GALNT1: variants seen among roughly 807,000 people sequenced by gnomAD.
GALNT1 encodes GalNAc transferase 1.
Under a neutral mutation model 65.7 loss-of-function variants are expected in GALNT1, and 17 were observed. The observed-to-expected ratio is 0.26, with a 90% confidence interval of 0.18 to 0.39. GALNT1 has a LOEUF of 0.39. Ranked by LOEUF, GALNT1 falls within the 10% of genes least tolerant of loss-of-function variation. The pLI is 1.00. For synonymous variants in GALNT1, 210 were observed against 219.7 expected (o/e 0.96, Z 0.39); for missense variants, 460 against 672.8 (o/e 0.68, Z 3.50).
At chr18:35,610,508 A>G (rs2046704257) in intron 1 of GALNT1, among the ~76,000 whole-genome samples, 1 of 152,214 alleles carries the variant, frequency 6.6e-6, no homozygotes, top group South Asian at 2.1e-4. Flanking sequence ...TCTAGAGCCC[A>G]GCATAAAACT....
intron 3 of GALNT1, among the ~76,000 whole-genome samples, chr18:35,668,554 G>T (rs2144500785): frequency 6.6e-6 from 1 of 152,282 alleles, no homozygotes; most frequent in Non-Finnish European, 1.5e-5. Context: ...ATTATATGAG[G>T]TTTTTTAAAA....
At chr18:35,676,047 C>T (rs1369962161) in intron 3 of GALNT1, among the ~76,000 whole-genome samples, 1 of 152,188 alleles carries the variant, frequency 6.6e-6, no homozygotes, top group African/African-American at 2.4e-5. Context: ...ATTAGGACTG[C>T]TGAGGACACA....
chr18:35,657,706 G>C (rs1218004483), intron 2 of GALNT1, among the ~76,000 whole-genome samples: 1 of 152,192 alleles, frequency 6.6e-6, no homozygotes, highest in Non-Finnish European at 1.5e-5. Flanking sequence ...TTGGTATGGG[G>C]CTTCTTGTGA....
intron 1 of GALNT1, among the ~76,000 whole-genome samples, chr18:35,652,336 C>T (rs2047322041): frequency 6.6e-6 from 1 of 152,182 alleles, no homozygotes; most frequent in Non-Finnish European, 1.5e-5. Flanking sequence ...TATCCATACT[C>T]CTTCCTTCCT....
At chr18:35,598,077 C>T (rs926763418) in intron 1 of GALNT1, among the ~76,000 whole-genome samples, 2 of 135,974 alleles carry the variant, frequency 1.5e-5, no homozygotes, top group Non-Finnish European at 3.1e-5. Flanking sequence ...GAGTCTTGCT[C>T]TGCTGCCCAG....
intron 9 of GALNT1, among the ~76,000 whole-genome samples, chr18:35,692,942 A>T (rs1453169150): frequency 6.6e-6 from 1 of 152,168 alleles, no homozygotes; most frequent in Non-Finnish European, 1.5e-5. Flanking sequence ...ATATTTGAGT[A>T]CCTCTAGTAT....
chr18:35,670,276 A>G (rs1448247371), intron 3 of GALNT1, among the ~76,000 whole-genome samples: 1 of 152,162 alleles, frequency 6.6e-6, no homozygotes, highest in Non-Finnish European at 1.5e-5. Context: ...CCTCGGTGAC[A>G]GTGTGAGACT....
rs1194947636 is a variant in GALNT1, at chr18:35,709,957, A to G, written c.*187A>G. 10 of 619,370 alleles carry G rather than the reference A, an allele frequency of 1.6e-5. No individual in the cohort carries two copies. Among genetic ancestry groups the G allele is most frequent in the Non-Finnish European group, 2.5e-5 (9 of 360,486 alleles). 38.4% of individuals were successfully genotyped at this position (619,370 alleles called of 1,614,324 possible). Reference sequence around the variant, plus strand: ...TAGCTGTGAACCAGCCTTCCTGTCCATGGACGTGAAACTGCATAGTAATGA... The same window carrying G: ...TAGCTGTGAACCAGCCTTCCTGTCCGTGGACGTGAAACTGCATAGTAATGA... On this transcript the variant is annotated 3_prime_UTR_variant, in exon 12 of 12. Coordinates refer to ENST00000269195, the MANE Select transcript of GALNT1 (RefSeq NM_020474.4).
At chr18:35,639,901 A>G (rs903759503) in intron 1 of GALNT1, among the ~76,000 whole-genome samples, 2 of 152,074 alleles carry the variant, frequency 1.3e-5, no homozygotes, top group African/African-American at 4.8e-5. Flanking sequence ...GGTTCAAGCA[A>G]TTCTCCTGCC....
chr18:35,655,499 CTTTTTT>C lies in GALNT1; in HGVS notation c.139+708_139+713del, dbSNP rs567720187. 2.4e-5 allele frequency among the ~76,000 whole-genome samples: 3 copies of C among 124,698 alleles called. No individual in the cohort carries two copies. The South Asian group carries it at 7.8e-4, about 32-fold the overall frequency. 81.8% of individuals were successfully genotyped at this position (124,698 alleles called of 152,430 possible). On this transcript the variant is annotated intron_variant, in intron 2 of 11. Transcript: ENST00000269195. ...AAATGTTGCCATTTTTTAAAAAATT[CTTTTTT>C]TTTTTTTTTGTTTTTAACCATAATG...
At chr18:35,603,370 G>A (rs1015488402) in intron 1 of GALNT1, among the ~76,000 whole-genome samples, 1 of 152,110 alleles carries the variant, frequency 6.6e-6, no homozygotes, top group Non-Finnish European at 1.5e-5. Flanking sequence ...CCACTTCTCT[G>A]TGGCCCTGGA....
At chr18:35,611,417 A>G (rs2046715365) in intron 1 of GALNT1, among the ~76,000 whole-genome samples, 2 of 152,196 alleles carry the variant, frequency 1.3e-5, no homozygotes, top group Non-Finnish European at 1.5e-5. Flanking sequence ...ATTTTATTTA[A>G]TAGCTTTTTA....
chr18:35,657,877 A>G (rs2047415985), intron 2 of GALNT1, among the ~76,000 whole-genome samples: 3 of 152,214 alleles, frequency 2.0e-5, no homozygotes. Flanking sequence ...ATGGAGCCGA[A>G]GTTGGTTTTC....
intron 2 of GALNT1, among the ~76,000 whole-genome samples, chr18:35,660,546 G>A (rs527821217): frequency 9.9e-5 from 15 of 152,200 alleles, no homozygotes. Context: ...TTTATGCAAA[G>A]ATATTTTCTT....
intron 1 of GALNT1, among the ~76,000 whole-genome samples, chr18:35,608,656 C>T (rs201240532): frequency 2.0e-5 from 3 of 152,042 alleles, no homozygotes; most frequent in East Asian, 1.9e-4. Flanking sequence ...AAGAAAGACA[C>T]GAAAATGAAA....
intron 1 of GALNT1, among the ~76,000 whole-genome samples, chr18:35,613,416 A>C (rs1459632831): frequency 6.6e-6 from 1 of 152,198 alleles, no homozygotes; most frequent in African/African-American, 2.4e-5. Flanking sequence ...AATATTCAAA[A>C]TATCTTTTAA....
chr18:35,630,714 T>C (rs1485862971), intron 1 of GALNT1, among the ~76,000 whole-genome samples: 1 of 151,930 alleles, frequency 6.6e-6, no homozygotes, highest in Non-Finnish European at 1.5e-5. Context: ...AGAGCAGAAC[T>C]AAAGGAGATA....
chr18:35,637,860 A>G (rs916324166), intron 1 of GALNT1, among the ~76,000 whole-genome samples: 3 of 152,226 alleles, frequency 2.0e-5, no homozygotes, highest in Non-Finnish European at 1.5e-5. Flanking sequence ...GTTGAAGCCA[A>G]TGTTCAGTTA....
chr18:35,644,590 G>A (rs2047205974), intron 1 of GALNT1, among the ~76,000 whole-genome samples: 3 of 152,132 alleles, frequency 2.0e-5, no homozygotes, highest in Admixed American at 6.5e-5. Context: ...TATATGGAAA[G>A]CCACTTGTCC....
Sources: allele counts gnomAD v4.1 joint callset (sites outside exome capture counted in the v4.1 genomes callset), GRCh38; gene constraint gnomAD v4.1.1; transcripts MANE v1.5; gene names NCBI Gene and HGNC (gene_info 2026-07-23, HGNC 2026-07-21).